The following SORBS2 variants were observed in gnomAD, a reference collection of about 807,000 sequenced individuals.
The protein encoded by SORBS2 is sorbin and SH3 domain-containing protein 2.
A neutral mutation model predicts 97.7 loss-of-function variants in SORBS2; 46 were observed. The observed-to-expected ratio is 0.47, with a 90% CI of 0.37 to 0.60. The LOEUF is 0.60. Among genes scored for constraint, SORBS2 ranks in the 20% least tolerant of loss-of-function variants. The probability of loss-of-function intolerance (pLI) is 0.00; values close to 1 mark genes in which losing one functional copy is unlikely to be tolerated. For synonymous variants in SORBS2, 476 were observed against 473.4 expected, an observed-to-expected ratio of 1.01 and a Z score of -0.07; for missense variants, 1,316 against 1,282.3, an observed-to-expected ratio of 1.03 and a Z score of -0.40.
chr4:185,718,379 A>G (rs1221044637), intron 2 of SORBS2, among the ~76,000 whole-genome samples: 7 of 152,350 alleles, frequency 4.6e-5, no homozygotes, highest in South Asian at 4.1e-4. Context: ...ACAGTACTCA[A>G]GAGTTTCAGG....
chr4:185,681,787 C>A (rs929582127), intron 2 of SORBS2, among the ~76,000 whole-genome samples: 8 of 152,094 alleles, frequency 5.3e-5, no homozygotes, highest in Non-Finnish European at 1.0e-4. Context: ...GAACTGGATG[C>A]CCTCCATGGC....
rs750386062 is a variant in SORBS2 at position 185,606,016 on chromosome 4, C to A, written c.2796+5764G>T. On this transcript the variant is annotated intron_variant, in intron 12 of 14. Transcript: ENST00000418609. This position sits in a 1 kb window ranked among gnomAD's most constrained non-coding sequence, Gnocchi z 4.3. Reference sequence around the variant, plus strand: ...CAATGTGAAGTCAACACAAAGAGAACGACCTCTTTAGAAAATCGAAAGGGG... The same window carrying A: ...CAATGTGAAGTCAACACAAAGAGAAAGACCTCTTTAGAAAATCGAAAGGGG... 1 of 825,868 alleles carries A rather than the reference C, an allele frequency of 1.2e-6. No homozygotes were observed. The highest frequency in any genetic ancestry group is 1.9e-5 in the African/African-American group (1 of 53,890). 51.2% of individuals were successfully genotyped at this position (825,868 alleles called of 1,614,324 possible). A position where few individuals can be genotyped will look rare whatever the true frequency, so the allele number is the denominator to read the frequency against.
At chr4:185,590,390 A>G (rs1440193195) in intron 13 of SORBS2, among the ~76,000 whole-genome samples, 1 of 152,296 alleles carries the variant, frequency 6.6e-6, no homozygotes, top group East Asian at 1.9e-4. Context: ...GATCAGTTTA[A>G]TGTTATGGTT....
intron 1 of SORBS2, among the ~76,000 whole-genome samples, chr4:185,953,517 A>G (rs2099278196): frequency 6.6e-6 from 1 of 152,164 alleles, no homozygotes; most frequent in African/African-American, 2.4e-5. Context: ...GTTAAAGTGT[A>G]CTTCCCAAGG....
chr4:185,902,351 G>C (rs2099248200), intron 1 of SORBS2, among the ~76,000 whole-genome samples: 1 of 152,000 alleles, frequency 6.6e-6, no homozygotes. Flanking sequence ...AGAGGCTGTA[G>C]GGTCTAAAAT....
At chr4:185,937,264 A>G (rs1357489048) in intron 1 of SORBS2, among the ~76,000 whole-genome samples, 2 of 152,196 alleles carry the variant, frequency 1.3e-5, no homozygotes, top group Non-Finnish European at 2.9e-5. Context: ...CCTTTTGAAA[A>G]GTATATCAAG....
chr4:185,915,646 G>A (rs563687354), intron 1 of SORBS2, among the ~76,000 whole-genome samples: 9 of 151,744 alleles, frequency 5.9e-5, no homozygotes, highest in African/African-American at 2.2e-4. Context: ...ATATTTATTG[G>A]GAATTCCCTA....
chr4:185,657,758 T>C (rs2097432658), upstream of SORBS2, among the ~76,000 whole-genome samples: 1 of 152,184 alleles, frequency 6.6e-6, no homozygotes, highest in African/African-American at 2.4e-5. Flanking sequence ...GGAAACTGTG[T>C]AGGTGTGCGG....
At chr4:185,878,060 C>G (rs2099234672) in intron 1 of SORBS2, among the ~76,000 whole-genome samples, 1 of 151,840 alleles carries the variant, frequency 6.6e-6, no homozygotes, top group Non-Finnish European at 1.5e-5. Flanking sequence ...GATTTTAGTA[C>G]ATATGATTAA....
chr4:185,715,306 T>G (rs180695842), intron 2 of SORBS2, among the ~76,000 whole-genome samples: 4 of 152,304 alleles, frequency 2.6e-5, no homozygotes, highest in Admixed American at 2.0e-4. Context: ...TCCTTCTATT[T>G]TGATATTAAT....
intron 1 of SORBS2, among the ~76,000 whole-genome samples, chr4:185,954,497 GAAAC>G (rs2099278676): frequency 6.6e-6 from 1 of 152,014 alleles, no homozygotes; most frequent in Non-Finnish European, 1.5e-5. Flanking sequence ...AATATTTTGA[GAAAC>G]AAAATCACAA....
intron 1 of SORBS2, among the ~76,000 whole-genome samples, chr4:185,888,259 T>A (rs376831828): frequency 2.0e-5 from 3 of 152,134 alleles, no homozygotes; most frequent in African/African-American, 7.2e-5. Flanking sequence ...TTGGAGAATG[T>A]GATTATCCTG....
At chr4:185,882,116 A>G (rs1220262521) in intron 1 of SORBS2, among the ~76,000 whole-genome samples, 1 of 152,168 alleles carries the variant, frequency 6.6e-6, no homozygotes, top group Non-Finnish European at 1.5e-5. Context: ...TAAACTGATG[A>G]AAAAGAAACA....
chr4:185,886,672 C>T (rs986747626), intron 1 of SORBS2, among the ~76,000 whole-genome samples: 8 of 151,626 alleles, frequency 5.3e-5, no homozygotes, highest in Non-Finnish European at 7.4e-5. Context: ...CATGGGATTC[C>T]GTGTGGGAAA....
chr4:185,742,388 A>G (rs372805127), intron 2 of SORBS2, among the ~76,000 whole-genome samples: 16 of 152,222 alleles, frequency 1.1e-4, no homozygotes, highest in African/African-American at 3.9e-4. Context: ...CAAGATGGGA[A>G]TAATAAGGCA....
At chr4:185,748,632 T>C (rs995779533) in intron 2 of SORBS2, among the ~76,000 whole-genome samples, 7 of 152,264 alleles carry the variant, frequency 4.6e-5, no homozygotes, top group African/African-American at 1.7e-4. Flanking sequence ...ATCTGCAGTT[T>C]TGCCATTAGT....
At chr4:185,679,715 T>C (rs999926061) in intron 2 of SORBS2, among the ~76,000 whole-genome samples, 1 of 152,222 alleles carries the variant, frequency 6.6e-6, no homozygotes, top group African/African-American at 2.4e-5. Flanking sequence ...TGTCCAGTCC[T>C]GGATTCCTTC....
At chr4:185,770,074 G>A (rs142317204) in intron 2 of SORBS2, among the ~76,000 whole-genome samples, 3 of 128,112 alleles carry the variant, frequency 2.3e-5, no homozygotes, top group East Asian at 4.1e-4. Flanking sequence ...GCATTCTGCC[G>A]GATGGCATTT....
In SORBS2 at chr4:185,750,305, T is replaced by C. The variant is rs183724973; in HGVS notation, c.-198+24922A>G. Among the ~76,000 whole-genome samples, 569 of 152,336 alleles carry C rather than the reference T, an allele frequency of 3.7e-3. 2 individuals carry two copies. Among genetic ancestry groups the C allele is most frequent in the African/African-American group, 0.013 (520 of 41,574 alleles). On this transcript the variant is annotated intron_variant, in intron 2 of 20. Coordinates refer to the SORBS2 transcript ENST00000284776. ...AAAATCCTGCTTCATTTCATCACCA[T>C]CAAACCATAGGCTTAAATTTGCTCA...
Sources: gnomAD v4.1 joint callset for allele counts (sites outside exome capture counted in the v4.1 genomes callset) on GRCh38, gnomAD v4.1.1 for gene constraint, Gnocchi (gnomAD v3.1) non-coding constraint, MANE v1.5 for transcripts, NCBI Gene and HGNC (gene_info 2026-07-23, HGNC 2026-07-21) for gene names.